The following ITGB5 variants were observed in gnomAD, a reference collection of about 807,000 sequenced individuals.
ITGB5 encodes the protein integrin subunit beta 5, also known as integrin beta-5.
In ITGB5, 38 loss-of-function variants were observed where a neutral mutation model predicts 84.8. The ratio of observed to expected loss-of-function variants is 0.45; its 90% confidence interval spans 0.35 to 0.59. The LOEUF (loss-of-function observed/expected upper bound fraction) is 0.59, where lower values mean the gene tolerates loss of function less well. Among genes scored for constraint, ITGB5 ranks in the 20% least tolerant of loss-of-function variants. ITGB5 has a pLI of 0.01. For missense variants in ITGB5, 905 were observed against 1,034.5 expected (o/e 0.87, Z 1.72); for synonymous variants, 393 against 414.4 (o/e 0.95, Z 0.63).
At chr3:124,801,018 C>G (rs1191524204) in intron 9 of ITGB5, among the ~76,000 whole-genome samples, 3 of 152,236 alleles carry the variant, frequency 2.0e-5, no homozygotes. Flanking sequence ...AAGGGCTGCC[C>G]AGCCCCCACC....
chr3:124,882,650 G>C (rs1231979329), intron 1 of ITGB5, among the ~76,000 whole-genome samples: 7 of 152,230 alleles, frequency 4.6e-5, no homozygotes, highest in African/African-American at 1.7e-4. Context: ...ACCATTCGAA[G>C]GTTTTAAGCA....
intron 4 of ITGB5, among the ~76,000 whole-genome samples, chr3:124,844,353 A>G (rs893614555): frequency 6.6e-6 from 1 of 152,084 alleles, no homozygotes; most frequent in African/African-American, 2.4e-5. Context: ...TGAGGTCAGG[A>G]GTTCAAGACC....
chr3:124,842,573 C>T (rs920050564), intron 4 of ITGB5, among the ~76,000 whole-genome samples: 6 of 152,152 alleles, frequency 3.9e-5, no homozygotes, highest in Admixed American at 2.0e-4. Context: ...TGCAGAGTAA[C>T]GGGTGAGGAT....
intron 2 of ITGB5, 133 bp downstream of exon 2, chr3:124,873,313 G>T: frequency 1.4e-6 from 1 of 733,416 alleles, no homozygotes; most frequent in Non-Finnish European, 2.5e-6. Context: ...GCCCTGATGG[G>T]GAAGAGGCAG....
intron 10 of ITGB5, among the ~76,000 whole-genome samples, chr3:124,778,475 CGT>C (rs1205589097): frequency 6.6e-6 from 1 of 152,176 alleles, no homozygotes; most frequent in East Asian, 1.9e-4. Flanking sequence ...CCCAGGAAGA[CGT>C]GAGAGGAAGC....
chr3:124,856,728 A>C (rs1047581919), intron 3 of ITGB5, among the ~76,000 whole-genome samples: 3 of 152,232 alleles, frequency 2.0e-5, no homozygotes, highest in African/African-American at 4.8e-5. Context: ...ATTCTTATAC[A>C]ACACGATGTT....
chr3:124,774,851 A>G (rs913112959), intron 10 of ITGB5, among the ~76,000 whole-genome samples: 39 of 152,210 alleles, frequency 2.6e-4, no homozygotes, highest in African/African-American at 9.2e-4. Context: ...TACACGTAGA[A>G]ATGGGATGAA....
At chr3:124,804,538 ACC>A (rs1367045619) in intron 9 of ITGB5, among the ~76,000 whole-genome samples, 1 of 152,070 alleles carries the variant, frequency 6.6e-6, no homozygotes. Flanking sequence ...CAAGAGCAAG[ACC>A]CTGTCTCTAA....
rs1426534531 is a variant in ITGB5, at chr3:124,848,163, T to C, written c.611+146A>G. On this transcript the variant is annotated intron_variant, in intron 4 of 14. Coordinates refer to ENST00000296181, the MANE Select transcript of ITGB5 (RefSeq NM_002213.5). ...TCACACGTCAGGAAAGGAGAGAATG[T>C]ATGCTTATCATTAATCAAATTAAAC... 10 of 852,388 alleles carry C rather than the reference T, an allele frequency of 1.2e-5. No individual in the cohort carries two copies. In the East Asian group the frequency reaches 2.5e-4, roughly 21 times the overall value. 52.8% of individuals were successfully genotyped at this position (852,388 alleles called of 1,614,324 possible). A position where few individuals can be genotyped will look rare whatever the true frequency, so the allele number is the denominator to read the frequency against.
rs61761685 is a variant in ITGB5, at chr3:124,763,314, A to C, written c.*309T>G. The C allele has an allele frequency of 4.3e-6, 1 of 231,594 alleles. No individual in the cohort carries two copies. The highest frequency in any genetic ancestry group is 2.3e-5 in the African/African-American group (1 of 44,424). 14.3% of individuals were successfully genotyped at this position (231,594 alleles called of 1,614,324 possible). ...CCCAGCATTCCTGGAAGGGAGAGAC[A>C]GCCCAGCATCTCAGTATTTCATTGG... On this transcript the variant is annotated 3_prime_UTR_variant, in exon 15 of 15. Coordinates refer to ENST00000296181, the MANE Select transcript of ITGB5 (RefSeq NM_002213.5).
intron 10 of ITGB5, chr3:124,793,100 T>G (rs2064172622): frequency 6.6e-6 from 1 of 152,144 alleles, no homozygotes; most frequent in Non-Finnish European, 1.5e-5. Context: ...GTCTTCTCCT[T>G]CAATTCTCAA....
intron 1 of ITGB5, among the ~76,000 whole-genome samples, chr3:124,896,788 AC>A (rs1399331740): frequency 7.5e-5 from 11 of 146,952 alleles, no homozygotes; most frequent in African/African-American, 2.5e-4. Context: ...CTGGGCATGC[AC>A]GTGGCTCATG....
chr3:124,881,787 G>A (rs1047833444), intron 1 of ITGB5, among the ~76,000 whole-genome samples: 13 of 151,604 alleles, frequency 8.6e-5, no homozygotes, highest in Admixed American at 3.3e-4. Context: ...GGCCAACATG[G>A]TGAAACCCCA....
At chr3:124,898,802 G>A (rs1465592087) in intron 1 of ITGB5, among the ~76,000 whole-genome samples, 3 of 143,846 alleles carry the variant, frequency 2.1e-5, no homozygotes, top group African/African-American at 5.1e-5. Flanking sequence ...AAGGCCGGGC[G>A]CACTGGCTCA....
In ITGB5 at chr3:124,836,462, GA is replaced by G. The variant is rs371707157; in HGVS notation, c.780+4920del. Among the ~76,000 whole-genome samples, 844 of 150,764 alleles carry G rather than the reference GA, an allele frequency of 5.6e-3. 5 individuals are homozygous for G. The highest frequency in any genetic ancestry group is 0.02 in the African/African-American group (805 of 41,084). On this transcript the variant is annotated intron_variant, in intron 5 of 14. Transcript: ENST00000296181. Reference sequence around the variant, plus strand: ...TCTCCTTTCAAAAAAAAAAGAAAAAGAAAAAAAAATTGTTTTAAATAAATAA... The same window carrying G: ...TCTCCTTTCAAAAAAAAAAGAAAAAGAAAAAAAATTGTTTTAAATAAATAA...
At chr3:124,829,396 C>G (rs2064828021) in intron 5 of ITGB5, among the ~76,000 whole-genome samples, 1 of 152,238 alleles carries the variant, frequency 6.6e-6, no homozygotes, top group Non-Finnish European at 1.5e-5. Context: ...TGCATGAAGC[C>G]AGGCATCCGG....
chr3:124,821,270 A>G (rs1429461828), intron 6 of ITGB5, 43 bp downstream of exon 6: 1 of 1,580,324 alleles, frequency 6.3e-7, no homozygotes, highest in East Asian at 2.3e-5. Context: ...GCAGGGTCAC[A>G]AGAGAGGCAA....
intron 8 of ITGB5, among the ~76,000 whole-genome samples, chr3:124,814,756 ATT>A (rs1219826813): frequency 5.3e-5 from 8 of 152,156 alleles, no homozygotes; most frequent in Non-Finnish European, 5.9e-5. Context: ...ATAATCACTC[ATT>A]TTTAAAAGTG....
intron 9 of ITGB5, among the ~76,000 whole-genome samples, chr3:124,807,029 A>G (rs1275636392): frequency 1.3e-5 from 2 of 152,208 alleles, no homozygotes; most frequent in African/African-American, 4.8e-5. Flanking sequence ...TTAAGCACAA[A>G]AAAAGTTCAC....
Sources: gnomAD v4.1 joint callset for allele counts (sites outside exome capture counted in the v4.1 genomes callset) on GRCh38, gnomAD v4.1.1 for gene constraint, MANE v1.5 for transcripts, NCBI Gene and HGNC (gene_info 2026-07-23, HGNC 2026-07-21) for gene names.